Variants in AGPAT4 observed in about 807,000 individuals in gnomAD.
The protein encoded by AGPAT4 is 1-acyl-sn-glycerol-3-phosphate acyltransferase delta.
In AGPAT4, 15 loss-of-function variants were observed where a neutral mutation model predicts 48.0. The ratio of observed to expected loss-of-function variants is 0.31; its 90% CI spans 0.21 to 0.48. AGPAT4 has a LOEUF of 0.48. Ranked by LOEUF, AGPAT4 falls within the 20% of genes least tolerant of loss-of-function variation. The pLI is 0.99. For synonymous variants in AGPAT4, 178 were observed against 198.7 expected (o/e 0.90, Z 0.88); for missense variants, 314 against 482.5 (o/e 0.65, Z 3.27).
chr6:161,250,015 TA>T (rs1272060193), intron 1 of AGPAT4, among the ~76,000 whole-genome samples: 2 of 152,166 alleles, frequency 1.3e-5, no homozygotes, highest in Non-Finnish European at 2.9e-5. Context: ...TATGCAACTA[TA>T]AAAAATGAGA....
At position 161,219,945 on chromosome 6, in the gene AGPAT4, G is replaced by GATA. The variant is rs1562344031; in HGVS notation, c.178+12090_178+12091insTAT. On this transcript the variant is annotated intron_variant, in intron 2 of 8. Transcript: ENST00000320285. The surrounding 1 kb of genome is among the most constrained non-coding windows in gnomAD (Gnocchi z 4.9). Reference sequence around the variant, plus strand: ...AGGCAGGCAGGCAGGCAGGCAGGCAGGCAGACAGACAGACAGACAGACAGG... The same window carrying GATA: ...AGGCAGGCAGGCAGGCAGGCAGGCAGATAGCAGACAGACAGACAGACAGACAGG... Among the ~76,000 whole-genome samples the GATA allele has an allele frequency of 1.3e-5, 2 of 149,000 alleles. No homozygotes were observed. Among genetic ancestry groups the GATA allele is most frequent in the East Asian group, 4.0e-4 (2 of 5,062 alleles).
Position 161,219,113 on chromosome 6 carries a change from A to G in AGPAT4, c.178+12923T>C, listed in dbSNP as rs1032571580. 1.3e-5 allele frequency among the ~76,000 whole-genome samples: 2 copies of G among 152,128 alleles called. No homozygotes were observed. The highest frequency in any genetic ancestry group is 2.9e-5 in the Non-Finnish European group (2 of 68,022). ...TACAAAAATATTTTTTGCCATTAGG[A>G]TTTCCTTGCTTTAGAGCTTGTTTTC... On this transcript the variant is annotated intron_variant, in intron 2 of 8. Transcript: ENST00000320285. The surrounding 1 kb of genome is among the most constrained non-coding windows in gnomAD (Gnocchi z 4.9).
rs1296189701 is a variant in AGPAT4 at position 161,261,290 on chromosome 6, A to G, written c.-90+12648T>C. Among the ~76,000 whole-genome samples, 1 of 152,158 alleles carries G rather than the reference A, an allele frequency of 6.6e-6. No individual in the cohort carries two copies. Among genetic ancestry groups the G allele is most frequent in the Non-Finnish European group, 1.5e-5 (1 of 68,042 alleles). Reference sequence around the variant, plus strand: ...TGCACGAGTCCATGAGACAAACAACAGAAAAGACCCGGCACAGTCCTGGGC... The same window carrying G: ...TGCACGAGTCCATGAGACAAACAACGGAAAAGACCCGGCACAGTCCTGGGC... On this transcript the variant is annotated intron_variant, in intron 1 of 8. Transcript: ENST00000320285. The surrounding 1 kb of genome is among the most constrained non-coding windows in gnomAD (Gnocchi z 5.3).
At position 161,195,030 on chromosome 6, in the gene AGPAT4, G is replaced by A. The variant is rs1214972174; in HGVS notation, c.179-28613C>T. ...AGAAGCTTTGGCCACCACCTTCCAA[G>A]TCCTTGCTTAATTTCTCAAATTGTT... On this transcript the variant is annotated intron_variant, in intron 2 of 8. Transcript: ENST00000320285. This position sits in a 1 kb window ranked among gnomAD's most constrained non-coding sequence, Gnocchi z 5.0. Among the ~76,000 whole-genome samples, 1 of 152,172 alleles carries A rather than the reference G, an allele frequency of 6.6e-6. No homozygotes were observed. The highest frequency in any genetic ancestry group is 1.5e-5 in the Non-Finnish European group (1 of 68,040).
In AGPAT4 at chr6:161,135,258, T is replaced by C. The variant is rs935583379; in HGVS notation, c.*1282A>G. The C allele has an allele frequency of 2.6e-5, 4 of 152,268 alleles. No individual in the cohort carries two copies. The highest frequency in any genetic ancestry group is 2.1e-4 in the South Asian group (1 of 4,832). The allele number at this position is 152,268 out of a possible 1,614,324, so 9.4% of individuals were successfully genotyped here. On this transcript the variant is annotated 3_prime_UTR_variant, in exon 9 of 9. Coordinates refer to ENST00000320285, the MANE Select transcript of AGPAT4 (RefSeq NM_020133.3). ...AGCTGCGCACCTGGAGAAAGACATA[T>C]CCTTCCTAACTCATGCTCCAAATAC...
At position 161,146,384 on chromosome 6, in the gene AGPAT4, A is replaced by G; in HGVS notation, c.843+140T>C. The G allele has an allele frequency of 2.9e-6, 2 of 682,950 alleles. No individual in the cohort carries two copies. Among genetic ancestry groups the G allele is most frequent in the Non-Finnish European group, 4.9e-6 (2 of 404,376 alleles). 42.3% of individuals were successfully genotyped at this position (682,950 alleles called of 1,614,324 possible). ...TTTTGTCATGTTCTTCATTGCCAAGAGAGGGTCAGCTCCAGACTCACTAAT... is the reference window on the plus strand; with the variant it reads ...TTTTGTCATGTTCTTCATTGCCAAGGGAGGGTCAGCTCCAGACTCACTAAT... On this transcript the variant is annotated intron_variant, in intron 7 of 8. Coordinates refer to ENST00000320285, the MANE Select transcript of AGPAT4 (RefSeq NM_020133.3). This position sits in a 1 kb window ranked among gnomAD's most constrained non-coding sequence, Gnocchi z 7.1.
chr6:161,235,646 G>T lies in AGPAT4; in HGVS notation c.-89-3344C>A, dbSNP rs960237095. 2.0e-5 allele frequency among the ~76,000 whole-genome samples: 3 copies of T among 152,176 alleles called. No individual in the cohort carries two copies. The highest frequency in any genetic ancestry group is 1.9e-4 in the East Asian group (1 of 5,186). On this transcript the variant is annotated intron_variant, in intron 1 of 8. Coordinates refer to ENST00000320285, the MANE Select transcript of AGPAT4 (RefSeq NM_020133.3). The surrounding 1 kb of genome is among the most constrained non-coding windows in gnomAD (Gnocchi z 6.2). ...CACAGTGGCTTCTGATTCTGGGGAGGCCTCAGGAAGCTTTTACTCATGGCG... is the reference window on the plus strand; with the variant it reads ...CACAGTGGCTTCTGATTCTGGGGAGTCCTCAGGAAGCTTTTACTCATGGCG...
Position 161,146,577 on chromosome 6 carries a change from G to A in AGPAT4, c.790C>T (p.Pro264Ser), listed in dbSNP as rs1263449877. ...YVRRIPLEDI[P>S]EDDDECSAWL... ...GCCGAGCACTCGTCATCGTCTTCAG[G>A]GATGTCTTCCAGTGGGATCCTCCTG... The change falls in exon 7 of 9, where the codon CCT (proline) becomes TCT (serine). Residue 264 changes from proline to serine, a missense_variant. By Grantham distance (74) the Pro-to-Ser change is moderately conservative (BLOSUM62 -1). Coordinates refer to ENST00000320285, the MANE Select transcript of AGPAT4 (RefSeq NM_020133.3). The surrounding 1 kb of genome is among the most constrained non-coding windows in gnomAD (Gnocchi z 7.1). 6.2e-7 allele frequency: 1 copy of A among 1,613,994 alleles called. No homozygotes were observed. Among genetic ancestry groups the A allele is most frequent in the Non-Finnish European group, 8.5e-7 (1 of 1,180,038 alleles).
chr6:161,256,092 C>A (rs1782935902), intron 1 of AGPAT4, among the ~76,000 whole-genome samples: 1 of 152,110 alleles, frequency 6.6e-6, no homozygotes, highest in South Asian at 2.1e-4. Flanking sequence ...AGCAAGGTGT[C>A]CAGGCGAGGC....
chr6:161,186,720 C>T (rs3778223), intron 2 of AGPAT4, among the ~76,000 whole-genome samples: 56,412 of 151,912 alleles, frequency 0.37, 11,025 homozygotes, highest in East Asian at 0.71. Flanking sequence ...CTCTCCTTCC[C>T]CCACTTCTCC....
chr6:161,175,036 T>C (rs1780389703), intron 2 of AGPAT4, among the ~76,000 whole-genome samples: 1 of 152,234 alleles, frequency 6.6e-6, no homozygotes. Context: ...GATGTGCTGC[T>C]GGATTCGGTT....
chr6:161,149,885 A>G lies in AGPAT4; in HGVS notation c.665-596T>C, dbSNP rs1779538567. The stretch of plus-strand genomic sequence containing the variant: ...ATACTGCAAAGTCAGGTCTAGAGGT[A>G]CTACGACGATGATTTGTAACTTTCT... On this transcript the variant is annotated intron_variant, in intron 5 of 8. Transcript: ENST00000320285. The surrounding 1 kb of genome is among the most constrained non-coding windows in gnomAD (Gnocchi z 6.5). 6.6e-6 allele frequency among the ~76,000 whole-genome samples: 1 copy of G among 152,224 alleles called. No homozygotes were observed. Among genetic ancestry groups the G allele is most frequent in the Non-Finnish European group, 1.5e-5 (1 of 68,048 alleles).
rs1251997196 is a variant in AGPAT4, at chr6:161,198,809, G to A, written c.179-32392C>T. 6.6e-5 allele frequency among the ~76,000 whole-genome samples: 10 copies of A among 152,162 alleles called. No homozygotes were observed. Among genetic ancestry groups the A allele is most frequent in the Admixed American group, 2.0e-4 (3 of 15,276 alleles). Reference sequence around the variant, plus strand: ...GTTAACAGGGAAACTGACCTGGAACGTATATGTTGTTTCGAGTAAAGACAA... The same window carrying A: ...GTTAACAGGGAAACTGACCTGGAACATATATGTTGTTTCGAGTAAAGACAA... On this transcript the variant is annotated intron_variant, in intron 2 of 8. Transcript: ENST00000320285. The surrounding 1 kb of genome is among the most constrained non-coding windows in gnomAD (Gnocchi z 4.3).
Position 161,244,437 on chromosome 6 carries a change from A to C in AGPAT4, c.-89-12135T>G, listed in dbSNP as rs968925082. On this transcript the variant is annotated intron_variant, in intron 1 of 8. Transcript: ENST00000320285. The surrounding 1 kb of genome is among the most constrained non-coding windows in gnomAD (Gnocchi z 4.7). ...CCTTTAAAGTTAAGGTTTATGGCGA[A>C]ATTTAAAATGTTGGCAGTTTCCTTA... is the stretch of plus-strand genomic sequence containing the variant. Among the ~76,000 whole-genome samples the C allele has an allele frequency of 2.0e-5, 3 of 152,244 alleles. No homozygotes were observed. The highest frequency in any genetic ancestry group is 7.2e-5 in the African/African-American group (3 of 41,454).
intron 2 of AGPAT4, among the ~76,000 whole-genome samples, chr6:161,193,617 C>T (rs1390646814): frequency 6.6e-6 from 1 of 152,204 alleles, no homozygotes; most frequent in East Asian, 1.9e-4. Context: ...TTCATCTTTA[C>T]ATTGAGGTTA....
Position 161,140,573 on chromosome 6 carries a change from C to T in AGPAT4, c.844-953G>A, listed in dbSNP as rs1298692393. On this transcript the variant is annotated intron_variant, in intron 7 of 8. Transcript: ENST00000320285. The surrounding 1 kb of genome is among the most constrained non-coding windows in gnomAD (Gnocchi z 6.5). ...GAGCTCCCGCTCAGGGACTGGGGCTCAGCCGCAAGGAGCTGCTGAACACAA... is the reference window on the plus strand; with the variant it reads ...GAGCTCCCGCTCAGGGACTGGGGCTTAGCCGCAAGGAGCTGCTGAACACAA... Among the ~76,000 whole-genome samples, 2 of 152,236 alleles carry T rather than the reference C, an allele frequency of 1.3e-5. No individual in the cohort carries two copies. The highest frequency in any genetic ancestry group is 6.5e-5 in the Admixed American group (1 of 15,292).
rs1249699185 is a variant in AGPAT4, at chr6:161,220,257, A to G, written c.178+11779T>C. 2.0e-5 allele frequency among the ~76,000 whole-genome samples: 3 copies of G among 152,182 alleles called. No individual in the cohort carries two copies. The highest frequency in any genetic ancestry group is 7.2e-5 in the African/African-American group (3 of 41,444). ...CCTAATACCTCCTTCTTTCTCCTAA[A>G]TAAACAAAAATGTGTTGGCATGAAG... On this transcript the variant is annotated intron_variant, in intron 2 of 8. Coordinates refer to ENST00000320285, the MANE Select transcript of AGPAT4 (RefSeq NM_020133.3). The surrounding 1 kb of genome is among the most constrained non-coding windows in gnomAD (Gnocchi z 6.0).
chr6:161,239,592 G>A (rs570402879), intron 1 of AGPAT4, among the ~76,000 whole-genome samples: 30 of 152,278 alleles, frequency 2.0e-4, no homozygotes, highest in Middle Eastern at 3.4e-3. Context: ...AAGAAGAATT[G>A]CTGAAATAAT....
chr6:161,228,794 C>T (rs571810775), intron 2 of AGPAT4, among the ~76,000 whole-genome samples: 10 of 151,978 alleles, frequency 6.6e-5, no homozygotes, highest in South Asian at 6.3e-4. Context: ...TTTTACCTAA[C>T]GAAGCCGGCT....
Sources: allele counts gnomAD v4.1 joint callset (sites outside exome capture counted in the v4.1 genomes callset), GRCh38; gene constraint gnomAD v4.1.1; non-coding constraint Gnocchi (gnomAD v3.1); transcripts MANE v1.5; gene names NCBI Gene and HGNC (gene_info 2026-07-23, HGNC 2026-07-21).